Variants in DDR1 observed in about 807,000 individuals in gnomAD.
The protein encoded by DDR1 is discoidin domain receptor tyrosine kinase 1.
A neutral mutation model predicts 97.4 loss-of-function variants in DDR1; 64 were observed. The ratio of observed to expected loss-of-function variants is 0.66; its 90% CI spans 0.54 to 0.81. DDR1 has a LOEUF of 0.81. DDR1 is among the 30% of genes least tolerant of loss of function. The pLI is 0.00. For synonymous variants in DDR1, 458 were observed against 503.7 expected (o/e 0.91, Z 1.21); for missense variants, 990 against 1,259.6 (o/e 0.79, Z 3.24).
rs1437905585 is a variant in DDR1 at position 30,888,645 on chromosome 6, G to A, written c.-42-43G>A. 1 of 1,570,424 alleles carries A rather than the reference G, an allele frequency of 6.4e-7. No individual in the cohort carries two copies. The highest frequency in any genetic ancestry group is 1.3e-5 in the African/African-American group (1 of 74,118). ...GTCTGTTGCTGTCAGCTATGACTCAGTCCCCTGATTAACTTACGCACCACC... is the reference window on the plus strand; with the variant it reads ...GTCTGTTGCTGTCAGCTATGACTCAATCCCCTGATTAACTTACGCACCACC... On this transcript the variant is annotated intron_variant, in intron 1 of 17. Transcript: ENST00000376568. The surrounding 1 kb of genome is among the most constrained non-coding windows in gnomAD (Gnocchi z 4.2).
In DDR1 at chr6:30,891,033, G is replaced by A. The variant is rs1481008695; in HGVS notation, c.478G>A (p.Val160Ile). 1 of 1,613,028 alleles carries A rather than the reference G, an allele frequency of 6.2e-7. No individual in the cohort carries two copies. Among genetic ancestry groups the A allele is most frequent in the Non-Finnish European group, 8.5e-7 (1 of 1,180,002 alleles). ...VVLKDLGPPM[V>I]ARLVRFYPRA... ...GCTGAAGGACCTTGGGCCCCCCATG[G>A]TTGCCCGACTGGTTCGCTTCTACCC... is the stretch of plus-strand genomic sequence containing the variant. The change falls in exon 5 of 18, where the codon GTT becomes ATT. Residue 160 changes from valine (V) to isoleucine (I), a missense_variant. Physicochemically the swap from Val to Ile is conservative, Grantham distance 29. Coordinates refer to ENST00000376568, the MANE Select transcript of DDR1 (RefSeq NM_001297654.2). The surrounding 1 kb of genome is among the most constrained non-coding windows in gnomAD (Gnocchi z 5.3).
In DDR1 at chr6:30,894,459, C is replaced by T. The variant is rs748199141; in HGVS notation, c.1348-47C>T. On this transcript the variant is annotated intron_variant, in intron 10 of 17. Transcript: ENST00000376568. This position sits in a 1 kb window ranked among gnomAD's most constrained non-coding sequence, Gnocchi z 5.7. ...GGATGGACACAGCAGAGGGCCAGGCCGTGTGTGCTGAGCAACACGGGTGAT... is the reference window on the plus strand; with the variant it reads ...GGATGGACACAGCAGAGGGCCAGGCTGTGTGTGCTGAGCAACACGGGTGAT... 8 of 1,545,568 alleles carry T rather than the reference C, an allele frequency of 5.2e-6. No individual in the cohort carries two copies. The East Asian group carries it at 1.4e-4, about 27-fold the overall frequency.
Position 30,886,509 on chromosome 6 carries a change from T to C in DDR1, c.-43+1799T>C, listed in dbSNP as rs1048121878. ...CTGGGGTCTCAGCTGCCTCTTACAT[T>C]CCTGCCCTAGTGCATTGTGGGAGCA... On this transcript the variant is annotated intron_variant, in intron 1 of 17. Coordinates refer to ENST00000376568, the MANE Select transcript of DDR1 (RefSeq NM_001297654.2). The surrounding 1 kb of genome is among the most constrained non-coding windows in gnomAD (Gnocchi z 4.6). 2 of 152,892 alleles carry C rather than the reference T, an allele frequency of 1.3e-5. No individual in the cohort carries two copies. Among genetic ancestry groups the C allele is most frequent in the African/African-American group, 2.4e-5 (1 of 41,450 alleles). The allele number at this position is 152,892 out of a possible 1,614,324, so 9.5% of individuals were successfully genotyped here. A position where few individuals can be genotyped will look rare whatever the true frequency, so the allele number is the denominator to read the frequency against.
chr6:30,882,375 G>T (rs550029159), upstream of DDR1, among the ~76,000 whole-genome samples: 2 of 152,346 alleles, frequency 1.3e-5, no homozygotes, highest in South Asian at 4.1e-4. This position sits in a 1 kb window ranked among gnomAD's most constrained non-coding sequence, Gnocchi z 4.8. Context: ...AGGGACACAG[G>T]GGGCCTCTGG....
Position 30,893,152 on chromosome 6 carries a change from T to A in DDR1, c.1184T>A (p.Phe395Tyr). ...CCGCCTGGCCCACCTCCCACCAACT[T>A]CAGCAGCTTGGGTGAGCAATCTTGG... Reference protein sequence around the residue: ...WWPPGPPPTNFSSLELEPRGQ... With the variant: ...WWPPGPPPTNYSSLELEPRGQ... The change falls in exon 9 of 18, where the codon TTC (phenylalanine) becomes TAC (tyrosine). Residue 395 changes from phenylalanine (F) to tyrosine (Y), a missense_variant. Transcript: ENST00000376568. The A allele has an allele frequency of 6.2e-7, 1 of 1,608,806 alleles. No individual in the cohort carries two copies. Among genetic ancestry groups the A allele is most frequent in the African/African-American group, 1.3e-5 (1 of 75,024 alleles).
Position 30,891,572 on chromosome 6 carries a change from T to G in DDR1, c.665+93T>G. 1.1e-6 allele frequency: 1 copy of G among 894,970 alleles called. No individual in the cohort carries two copies. Among genetic ancestry groups the G allele is most frequent in the East Asian group, 2.8e-5 (1 of 35,746 alleles). 55.4% of individuals were successfully genotyped at this position (894,970 alleles called of 1,614,324 possible). A position where few individuals can be genotyped will look rare whatever the true frequency, so the allele number is the denominator to read the frequency against. ...GTGTGTGTGTGAGAGTGTGTGTGTG[T>G]AGGGGGGCTGGTAAGTAGGGTGGGG... On this transcript the variant is annotated intron_variant, in intron 6 of 17. Transcript: ENST00000376568. The surrounding 1 kb of genome is among the most constrained non-coding windows in gnomAD (Gnocchi z 5.3).
chr6:30,894,726 G>A lies in DDR1; in HGVS notation c.1513+55G>A. 6.8e-7 allele frequency: 1 copy of A among 1,480,590 alleles called. No homozygotes were observed. The highest frequency in any genetic ancestry group is 9.0e-7 in the Non-Finnish European group (1 of 1,110,332). The allele number at this position is 1,480,590 out of a possible 1,614,324, so 91.7% of individuals were successfully genotyped here. ...CTGTCCTCTCTGCTGTTTTCTTATT[G>A]TATCCCTTTCCCATTCTCTTTTTTT... On this transcript the variant is annotated intron_variant, in intron 11 of 17. Transcript: ENST00000376568. The surrounding 1 kb of genome is among the most constrained non-coding windows in gnomAD (Gnocchi z 5.7).
chr6:30,893,929 G>A (rs1037297849), intron 10 of DDR1, among the ~76,000 whole-genome samples: 28 of 152,174 alleles, frequency 1.8e-4, no homozygotes, highest in Non-Finnish European at 7.4e-5. Flanking sequence ...CACGTCTTCC[G>A]GCTGGAGTCC....
chr6:30,892,587 C>T lies in DDR1; in HGVS notation c.1099+45C>T, dbSNP rs146766646. The T allele has an allele frequency of 1.6e-3, 2,472 of 1,520,912 alleles. 3 individuals carry two copies. Among genetic ancestry groups the T allele is most frequent in the Non-Finnish European group, 2.0e-3 (2,257 of 1,134,934 alleles). 94.2% of individuals were successfully genotyped at this position (1,520,912 alleles called of 1,614,324 possible). A position where few individuals can be genotyped will look rare whatever the true frequency, so the allele number is the denominator to read the frequency against. ...AGTCTCCAGTCCCTGAAATTGACAA[C>T]TGATTTCATTCCTAACCCTGCAGTG... On this transcript the variant is annotated intron_variant, in intron 8 of 17. Transcript: ENST00000376568.
At chr6:30,898,542 A>G (rs550772303) in intron 16 of DDR1, among the ~76,000 whole-genome samples, 1 of 152,330 alleles carries the variant, frequency 6.6e-6, no homozygotes, top group East Asian at 1.9e-4. Flanking sequence ...AGGGTGGCAG[A>G]GAGCTCAAGA....
intron 16 of DDR1, 77 bp from the exon 17 acceptor site, chr6:30,898,811 G>A: frequency 1.3e-6 from 2 of 1,496,478 alleles, no homozygotes. Flanking sequence ...GTGGATCTGG[G>A]GCTTCCAATA....
In DDR1 at chr6:30,893,830, A is replaced by G. The variant is rs1408661556; in HGVS notation, c.1347+407A>G. 2.6e-5 allele frequency among the ~76,000 whole-genome samples: 4 copies of G among 152,166 alleles called. No individual in the cohort carries two copies. The East Asian group carries it at 7.7e-4, about 29-fold the overall frequency. Reference sequence around the variant, plus strand: ...AACCAGGCCTGTTGGTGCAGTGTACACTGGTCAGCCTTGGGGCAGAAGCAG... The same window carrying G: ...AACCAGGCCTGTTGGTGCAGTGTACGCTGGTCAGCCTTGGGGCAGAAGCAG... On this transcript the variant is annotated intron_variant, in intron 10 of 17. Transcript: ENST00000376568.
chr6:30,889,103 AC>A lies in DDR1; in HGVS notation c.189-95del, dbSNP rs1472476907. The A allele has an allele frequency of 3.7e-5, 59 of 1,578,162 alleles. No individual in the cohort carries two copies. Among genetic ancestry groups the A allele is most frequent in the Non-Finnish European group, 5.0e-5 (57 of 1,149,914 alleles). On this transcript the variant is annotated intron_variant, in intron 3 of 17. Transcript: ENST00000376568. The surrounding 1 kb of genome is among the most constrained non-coding windows in gnomAD (Gnocchi z 4.9). ...CAACCCCTCTGCCCATGCCAGTGAA[AC>A]CCCTGCAGGCTGAGGGGGCAAATGA...
At chr6:30,887,465 C>T (rs535706998) in intron 1 of DDR1, among the ~76,000 whole-genome samples, 2 of 152,058 alleles carry the variant, frequency 1.3e-5, no homozygotes, top group African/African-American at 4.8e-5. Flanking sequence ...ATATTCTCTC[C>T]TTCTAGACGT....
At position 30,893,142 on chromosome 6, in the gene DDR1, CCCA is replaced by C. The variant is rs747068783; in HGVS notation, c.1178_1180del (p.Thr393del). On this transcript the variant is annotated inframe_deletion, in exon 9 of 18. Transcript: ENST00000376568. Reference sequence around the variant, plus strand: ...CCCCTGGTGGCCGCCTGGCCCACCTCCCACCAACTTCAGCAGCTTGGGTGAGCA... The same window carrying C: ...CCCCTGGTGGCCGCCTGGCCCACCTCCCAACTTCAGCAGCTTGGGTGAGCA... 1.2e-6 allele frequency: 2 copies of C among 1,609,890 alleles called. No homozygotes were observed. Among genetic ancestry groups the C allele is most frequent in the Non-Finnish European group, 1.7e-6 (2 of 1,179,798 alleles).
rs1338207497 is a variant in DDR1 at position 30,898,241 on chromosome 6, C to A, written c.2385C>A (p.Asp795Glu). The change falls in exon 16 of 18, where the codon GAC (aspartate) becomes GAA (glutamate). Residue 795 changes from aspartate to glutamate, a missense_variant. Coordinates refer to ENST00000376568, the MANE Select transcript of DDR1 (RefSeq NM_001297654.2). ...TGAGCCGGAACCTCTATGCTGGGGA[C>A]TATTACCGTGTGCAGGGCCGGGCAG... is the stretch of plus-strand genomic sequence containing the variant. ...FGMSRNLYAG[D>E]YYRVQGRAVL... is the part of the protein sequence containing the mutation. 3.1e-6 allele frequency: 5 copies of A among 1,614,210 alleles called. No homozygotes were observed. The highest frequency in any genetic ancestry group is 4.2e-6 in the Non-Finnish European group (5 of 1,180,042).
Position 30,894,696 on chromosome 6 carries a change from C to A in DDR1, c.1513+25C>A. ...GGTAAGACCTGCCTTGTTCCAGTCG[C>A]ACCTCTGTCCTCTCTGCTGTTTTCT... is the stretch of plus-strand genomic sequence containing the variant. On this transcript the variant is annotated intron_variant, in intron 11 of 17. Transcript: ENST00000376568. The surrounding 1 kb of genome is among the most constrained non-coding windows in gnomAD (Gnocchi z 5.7). 1 of 1,546,666 alleles carries A rather than the reference C, an allele frequency of 6.5e-7. No individual in the cohort carries two copies. Among genetic ancestry groups the A allele is most frequent in the Non-Finnish European group, 8.7e-7 (1 of 1,144,134 alleles).
chr6:30,899,124 C>T (rs1489494964), intron 17 of DDR1, 32 bp from the exon 18 acceptor site: 1 of 1,614,208 alleles, frequency 6.2e-7, no homozygotes. Flanking sequence ...AATATTTGTT[C>T]CCTGACTCTC....
Position 30,886,167 on chromosome 6 carries a change from C to T in DDR1, c.-43+1457C>T, listed in dbSNP as rs1205653625. Among the ~76,000 whole-genome samples the T allele has an allele frequency of 1.3e-5, 2 of 152,074 alleles. No homozygotes were observed. Among genetic ancestry groups the T allele is most frequent in the African/African-American group, 4.8e-5 (2 of 41,406 alleles). On this transcript the variant is annotated intron_variant, in intron 1 of 17. Transcript: ENST00000376568. The surrounding 1 kb of genome is among the most constrained non-coding windows in gnomAD (Gnocchi z 4.6). ...GCTCTATTTACCTCTTGCATTGTGGCTCTCGCTCTGTCTCCGCCTGCCTCG... is the reference window on the plus strand; with the variant it reads ...GCTCTATTTACCTCTTGCATTGTGGTTCTCGCTCTGTCTCCGCCTGCCTCG...
Sources: allele counts gnomAD v4.1 joint callset (sites outside exome capture counted in the v4.1 genomes callset), GRCh38; gene constraint gnomAD v4.1.1; non-coding constraint Gnocchi (gnomAD v3.1); transcripts MANE v1.5; gene names NCBI Gene and HGNC (gene_info 2026-07-23, HGNC 2026-07-21).